The following SLC25A37 variants were observed in gnomAD, a reference collection of about 807,000 sequenced individuals.
SLC25A37 encodes mitoferrin-1.
SLC25A37 carries 17 observed loss-of-function variants against 31.0 expected under a neutral mutation model. The observed-to-expected ratio is 0.55, with a 90% CI of 0.38 to 0.82. The LOEUF (loss-of-function observed/expected upper bound fraction) is 0.82, where lower values mean the gene tolerates loss of function less well. Among genes scored for constraint, SLC25A37 ranks in the 40% least tolerant of loss-of-function variants. SLC25A37 has a pLI of 0.00. For missense variants in SLC25A37, 404 were observed against 465.8 expected, an observed-to-expected ratio of 0.87 and a Z score of 1.22; for synonymous variants, 222 against 193.0, an observed-to-expected ratio of 1.15 and a Z score of -1.24.
In SLC25A37 at chr8:23,571,641, T is replaced by TG; in HGVS notation, c.805dup (p.Ala269GlyfsTer53). On this transcript the variant is annotated frameshift_variant, in exon 4 of 4. Coordinates refer to ENST00000519973, the MANE Select transcript of SLC25A37 (RefSeq NM_016612.4). LOFTEE classifies it high-confidence loss of function. ...ACCCTTCTGAACACTCAGGAGAACG[T>TG]GGCCCTCTCGCTGGCCAACATCAGC... The TG allele has an allele frequency of 1.2e-6, 2 of 1,613,934 alleles. No individual in the cohort carries two copies. The highest frequency in any genetic ancestry group is 1.7e-6 in the Non-Finnish European group (2 of 1,179,880).
At chr8:23,568,426 G>A in intron 3 of SLC25A37, 48 bp downstream of exon 3, 2 of 1,609,506 alleles carry the variant, frequency 1.2e-6, no homozygotes, top group South Asian at 2.2e-5. Flanking sequence ...TGTGCAAAGG[G>A]GCACAAAAAA....
intron 1 of SLC25A37, among the ~76,000 whole-genome samples, chr8:23,564,919 T>C (rs1390671120): frequency 7.2e-5 from 11 of 152,128 alleles, no homozygotes; most frequent in Non-Finnish European, 1.5e-4. Context: ...TACCTACCTA[T>C]CTGTCTGATC....
chr8:23,552,575 G>A (rs1264368472), intron 1 of SLC25A37, among the ~76,000 whole-genome samples: 1 of 152,114 alleles, frequency 6.6e-6, no homozygotes, highest in Non-Finnish European at 1.5e-5. Context: ...AAGGAACGCT[G>A]TCTTACCTGG....
chr8:23,543,094 G>T (rs1301287931), intron 1 of SLC25A37: 3 of 151,498 alleles, frequency 2.0e-5, no homozygotes, highest in Non-Finnish European at 4.4e-5. Context: ...TTAGAGACAG[G>T]GTCTTGCCTT....
At chr8:23,567,721 C>T (rs1802702105) in intron 2 of SLC25A37, 1 of 152,352 alleles carries the variant, frequency 6.6e-6, no homozygotes, top group Non-Finnish European at 1.5e-5. Context: ...GTTCTTGAAG[C>T]CAGGCCTGAC....
chr8:23,536,601 C>G (rs1216406938), intron 1 of SLC25A37, among the ~76,000 whole-genome samples: 21 of 152,198 alleles, frequency 1.4e-4, no homozygotes, highest in Admixed American at 1.4e-3. Context: ...AGATCACTAT[C>G]TTGGGCCCAG....
At chr8:23,566,442 G>C (rs1319754463) in intron 2 of SLC25A37, 106 bp downstream of exon 2, 30 of 1,492,838 alleles carry the variant, frequency 2.0e-5, no homozygotes, top group Non-Finnish European at 2.6e-5. Context: ...CGGCCCGCTT[G>C]CTCACGAATA....
At chr8:23,548,744 A>G (rs1363420913) in intron 1 of SLC25A37, among the ~76,000 whole-genome samples, 1 of 152,218 alleles carries the variant, frequency 6.6e-6, no homozygotes, top group Non-Finnish European at 1.5e-5. Context: ...TGCTGGGATT[A>G]CAGGCATGAG....
At chr8:23,556,326 T>A (rs938110113) in intron 1 of SLC25A37, among the ~76,000 whole-genome samples, 1 of 151,290 alleles carries the variant, frequency 6.6e-6, no homozygotes, top group Non-Finnish European at 1.5e-5. Context: ...GCTCAAGTGA[T>A]CCTCTCACCT....
chr8:23,560,163 G>C lies in SLC25A37; in HGVS notation c.211-5945G>C, dbSNP rs917683161. ...CGCACCTGTAGTCTGAGCTACTCAG[G>C]AGGCTGAGGTGGGAGGATTGCTTGA... On this transcript the variant is annotated intron_variant, in intron 1 of 3. Transcript: ENST00000519973. 3.2e-4 allele frequency among the ~76,000 whole-genome samples: 49 copies of C among 152,340 alleles called. 1 individual carries two copies. The highest frequency in any genetic ancestry group is 1.2e-3 in the African/African-American group (48 of 41,576).
chr8:23,566,594 T>C, intron 2 of SLC25A37: 27 of 1,229,654 alleles, frequency 2.2e-5, no homozygotes, highest in Non-Finnish European at 2.6e-5. Flanking sequence ...TTGGTTTTAT[T>C]GTTATGTGGG....
rs190883639 is a variant in SLC25A37 at position 23,569,425 on chromosome 8, A to T, written c.496+1047A>T. ...CATACACACACACACACACACACAC[A>T]CACTCACTCTCTTAGCCCTTGTTAA... On this transcript the variant is annotated intron_variant, in intron 3 of 3. Transcript: ENST00000519973. Among the ~76,000 whole-genome samples, 988 of 146,378 alleles carry T rather than the reference A, an allele frequency of 6.7e-3. 13 individuals carry two copies. Among genetic ancestry groups the T allele is most frequent in the East Asian group, 0.062 (318 of 5,090 alleles).
At chr8:23,556,230 ATTT>A (rs10687321) in intron 1 of SLC25A37, among the ~76,000 whole-genome samples, 2 of 139,944 alleles carry the variant, frequency 1.4e-5, no homozygotes, top group African/African-American at 2.7e-5. Context: ...AAGAGCACCA[ATTT>A]TTTTTTTTTT....
intron 1 of SLC25A37, among the ~76,000 whole-genome samples, chr8:23,561,807 G>A (rs1486520058): frequency 6.6e-6 from 1 of 152,212 alleles, no homozygotes; most frequent in Non-Finnish European, 1.5e-5. Flanking sequence ...ATCAGTGTGT[G>A]CTAGGGTGGT....
chr8:23,542,846 G>A (rs1255759580), intron 1 of SLC25A37, among the ~76,000 whole-genome samples: 1 of 151,874 alleles, frequency 6.6e-6, no homozygotes, highest in Non-Finnish European at 1.5e-5. Context: ...TGTAAGCCTA[G>A]GCTAATGTGT....
chr8:23,559,538 G>C (rs1802457998), intron 1 of SLC25A37, among the ~76,000 whole-genome samples: 1 of 152,060 alleles, frequency 6.6e-6, no homozygotes, highest in Admixed American at 6.5e-5. Flanking sequence ...ATACAGTCCA[G>C]CGGCATTAAG....
chr8:23,551,773 A>C (rs1802232317), intron 1 of SLC25A37, among the ~76,000 whole-genome samples: 1 of 151,934 alleles, frequency 6.6e-6, no homozygotes, highest in South Asian at 2.1e-4. Flanking sequence ...GAAGCAACAG[A>C]GCTAGGATTT....
At chr8:23,568,213 A>G (rs753971873) in intron 2 of SLC25A37, 109 bp from the exon 3 acceptor site, 1 of 1,151,350 alleles carries the variant, frequency 8.7e-7, no homozygotes, top group South Asian at 1.2e-5. Context: ...CTGGTAGTAC[A>G]TTTTGCTTCT....
intron 1 of SLC25A37, among the ~76,000 whole-genome samples, chr8:23,555,699 G>C (rs1402131300): frequency 7.2e-5 from 11 of 152,212 alleles, no homozygotes; most frequent in Non-Finnish European, 1.5e-4. Flanking sequence ...CAGATGACCA[G>C]GAGGTCAGAC....
Sources: allele counts gnomAD v4.1 joint callset (sites outside exome capture counted in the v4.1 genomes callset), GRCh38; gene constraint gnomAD v4.1.1; transcripts MANE v1.5; gene names NCBI Gene and HGNC (gene_info 2026-07-23, HGNC 2026-07-21).